NCOA4: variants seen among roughly 807,000 people sequenced by gnomAD.
The protein encoded by NCOA4 is 70 kDa AR-activator.
Under a neutral mutation model 69.5 loss-of-function variants are expected in NCOA4, and 31 were observed. The observed-to-expected ratio is 0.45, with a 90% CI of 0.34 to 0.60. NCOA4 has a LOEUF of 0.60. NCOA4 is among the 20% of genes least tolerant of loss of function. NCOA4 has a pLI of 0.02. For missense variants in NCOA4, 600 were observed against 719.2 expected (o/e 0.83, Z 1.90); for synonymous variants, 228 against 252.4 (o/e 0.90, Z 0.92).
chr10:46,024,888 C>A (rs1210834984), intron 1 of NCOA4, among the ~76,000 whole-genome samples: 1 of 152,164 alleles, frequency 6.6e-6, no homozygotes. Flanking sequence ...GTCCAAATTT[C>A]TTTTAAAGGC....
At chr10:46,006,732 T>C in intron 9 of NCOA4, 135 bp from the exon 10 acceptor site, 1 of 840,840 alleles carries the variant, frequency 1.2e-6, no homozygotes, top group Admixed American at 2.0e-5. Context: ...AATTAAGCAT[T>C]TGTGTCATGA....
At position 46,010,435 on chromosome 10, in the gene NCOA4, C is replaced by T; in HGVS notation, c.1486G>A (p.Glu496Lys). ...FQVIKNSPLS[E>K]WLIRPPYKEG... is the part of the protein sequence containing the mutation. ...TTGTATGGGGGCCTGATAAGCCACT[C>T]CGACAAGGGGCTGTTCTTTATGACT... The change falls in exon 8 of 10, where the codon GAG (glutamate) becomes AAG (lysine). Residue 496 changes from glutamate (E) to lysine (K), a missense_variant. Coordinates refer to ENST00000581486, the MANE Select transcript of NCOA4 (RefSeq NM_001145263.2). The T allele has an allele frequency of 6.2e-7, 1 of 1,614,172 alleles. No individual in the cohort carries two copies.
chr10:46,007,581 CTTTTTTT>C (rs71026287), intron 9 of NCOA4, among the ~76,000 whole-genome samples: 24 of 85,478 alleles, frequency 2.8e-4, no homozygotes, highest in African/African-American at 4.9e-4. Context: ...GCCAGTGACT[CTTTTTTT>C]TTTTTTTTTT....
At chr10:46,021,602 T>G (rs1839870648) in intron 1 of NCOA4, among the ~76,000 whole-genome samples, 1 of 152,246 alleles carries the variant, frequency 6.6e-6, no homozygotes, top group African/African-American at 2.4e-5. Context: ...TCAGTCAATT[T>G]TCATAGTCCT....
At chr10:46,022,409 G>C in intron 1 of NCOA4, 1 of 452,650 alleles carries the variant, frequency 2.2e-6, no homozygotes, top group Admixed American at 2.7e-5. Context: ...ATTTTACCTT[G>C]AGACTTTTTT....
At position 46,023,564 on chromosome 10, in the gene NCOA4, G is replaced by GC. The variant is rs1341935746; in HGVS notation, c.-14-6871dup. ...CAGCCAGTCCCCGCTGGCGCTCGCG[G>GC]CCCCCCTGCAGCTCCCTCCCCGCTG... On this transcript the variant is annotated intron_variant, in intron 1 of 9. Coordinates refer to ENST00000581486, the MANE Select transcript of NCOA4 (RefSeq NM_001145263.2). 61 of 976,752 alleles carry GC rather than the reference G, an allele frequency of 6.2e-5. No individual in the cohort carries two copies. The South Asian group carries it at 1.3e-3, about 20-fold the overall frequency. 60.5% of individuals were successfully genotyped at this position (976,752 alleles called of 1,614,324 possible).
chr10:46,006,989 G>A (rs1554919958), intron 9 of NCOA4, among the ~76,000 whole-genome samples: 1 of 152,218 alleles, frequency 6.6e-6, no homozygotes, highest in African/African-American at 2.4e-5. Context: ...AGAAAGTCAT[G>A]TTGAAGGCCA....
At chr10:46,006,852 GACAAA>G (rs1467261597) in intron 9 of NCOA4, among the ~76,000 whole-genome samples, 1 of 152,116 alleles carries the variant, frequency 6.6e-6, no homozygotes, top group African/African-American at 2.4e-5. Context: ...TGTTCCCTGA[GACAAA>G]ACAAGATTGA....
At position 46,013,008 on chromosome 10, in the gene NCOA4, C is replaced by G; in HGVS notation, c.589G>C (p.Val197Leu). Residue 197 changes from valine to leucine, a missense_variant, in exon 7 of 10, where the codon GTA becomes CTA. Physicochemically the swap from Val to Leu is conservative, Grantham distance 32 (BLOSUM62 1). Transcript: ENST00000581486. ...AGCCATTCGCTGAAAGGGACAGCTA[C>G]AATACCGGATGCTGACTTCTGTTAA... The part of the protein sequence containing the change: ...MPEQKSASGI[V>L]AVPFSEWLLG... The G allele has an allele frequency of 6.2e-7, 1 of 1,614,036 alleles. No homozygotes were observed. Among genetic ancestry groups the G allele is most frequent in the Non-Finnish European group, 8.5e-7 (1 of 1,179,952 alleles).
intron 9 of NCOA4, chr10:46,009,174 C>G: frequency 1.3e-6 from 2 of 1,551,202 alleles, no homozygotes; most frequent in Non-Finnish European, 1.7e-6. Flanking sequence ...TCTGAAAATT[C>G]CCAACGGTTA....
Position 46,011,079 on chromosome 10 carries a change from A to G in NCOA4, c.842T>C (p.Phe281Ser). The G allele has an allele frequency of 6.2e-7, 1 of 1,613,890 alleles. No individual in the cohort carries two copies. Among genetic ancestry groups the G allele is most frequent in the South Asian group, 1.1e-5 (1 of 91,070 alleles). ...KCNSHSTTSSFSIEMEKVGDQ... is the reference protein window; with the variant it reads ...KCNSHSTTSSSSIEMEKVGDQ... ...TCCAACCTTTTCCATTTCAATGGAG[A>G]AAGAACTAGTAGTGGAATGGCTGTT... The change falls in exon 8 of 10, where the codon TTC becomes TCC. Residue 281 changes from phenylalanine (F) to serine (S), a missense_variant. Transcript: ENST00000581486.
chr10:46,018,672 G>T lies in NCOA4; in HGVS notation c.-14-1978C>A, dbSNP rs181406791. ...CAAGTATGTGGAGACCTGTCAACTA[G>T]AAGAACTAAATTTGTTTGGAACAGA... On this transcript the variant is annotated intron_variant, in intron 1 of 9. Transcript: ENST00000581486. Among the ~76,000 whole-genome samples the T allele has an allele frequency of 4.2e-4, 64 of 152,278 alleles. 1 individual carries two copies. The highest frequency in any genetic ancestry group is 1.2e-3 in the Admixed American group (19 of 15,290).
At chr10:46,013,677 T>C (rs1554922362) in intron 5 of NCOA4, 38 bp from the exon 6 acceptor site, 1 of 1,424,906 alleles carries the variant, frequency 7.0e-7, no homozygotes, top group Non-Finnish European at 9.7e-7. Context: ...TTATTTATGC[T>C]ATGCTGCCAA....
At chr10:46,010,082 G>A in intron 8 of NCOA4, 141 bp downstream of exon 8, 1 of 1,053,812 alleles carries the variant, frequency 9.5e-7, no homozygotes, top group Non-Finnish European at 1.3e-6. Flanking sequence ...GCAGGGGGAT[G>A]GCTGGAGCCT....
Position 46,023,407 on chromosome 10 carries a change from T to A in NCOA4, c.-14-6713A>T, listed in dbSNP as rs559065853. Reference sequence around the variant, plus strand: ...TTACCCCTGACCCGAGTGCGAAAGGTCCCCGAGCCCGGGCCTCGTCCCGCC... The same window carrying A: ...TTACCCCTGACCCGAGTGCGAAAGGACCCCGAGCCCGGGCCTCGTCCCGCC... On this transcript the variant is annotated intron_variant, in intron 1 of 9. Transcript: ENST00000581486. 19 of 985,634 alleles carry A rather than the reference T, an allele frequency of 1.9e-5. 2 individuals are homozygous for A. In the Middle Eastern group the frequency reaches 1.6e-3, roughly 81 times the overall value. 61.1% of individuals were successfully genotyped at this position (985,634 alleles called of 1,614,324 possible). A position where few individuals can be genotyped will look rare whatever the true frequency, so the allele number is the denominator to read the frequency against.
At chr10:46,022,328 A>T (rs558667226) in intron 1 of NCOA4, 2 of 418,828 alleles carry the variant, frequency 4.8e-6, no homozygotes, top group African/African-American at 4.2e-5. Flanking sequence ...GTTATCTTTG[A>T]TGAGACAACC....
At chr10:46,027,967 A>G (rs1554925830) in intron 1 of NCOA4, among the ~76,000 whole-genome samples, 2 of 152,250 alleles carry the variant, frequency 1.3e-5, no homozygotes, top group African/African-American at 4.8e-5. Context: ...AGAACAGGAT[A>G]TAACAAAGAA....
In NCOA4 at chr10:46,006,368, G is replaced by T. The variant is rs1288069150; in HGVS notation, c.*224C>A. On this transcript the variant is annotated 3_prime_UTR_variant, in exon 10 of 10. Transcript: ENST00000581486. ...GGGGTGAATTAAAATACTTCTGTAA[G>T]AAGGAGGGAACTGAATCACCTCAGC... 3.7e-6 allele frequency: 2 copies of T among 534,510 alleles called. No individual in the cohort carries two copies. The highest frequency in any genetic ancestry group is 3.1e-5 in the Admixed American group (1 of 32,014). 33.1% of individuals were successfully genotyped at this position (534,510 alleles called of 1,614,324 possible). A position where few individuals can be genotyped will look rare whatever the true frequency, so the allele number is the denominator to read the frequency against.
Position 46,006,380 on chromosome 10 carries a change from T to G in NCOA4, c.*212A>C. On this transcript the variant is annotated 3_prime_UTR_variant, in exon 10 of 10. Transcript: ENST00000581486. ...AATACTTCTGTAAGAAGGAGGGAAC[T>G]GAATCACCTCAGCATGAATAAACAG... 1.8e-6 allele frequency: 1 copy of G among 541,076 alleles called. No individual in the cohort carries two copies. Among genetic ancestry groups the G allele is most frequent in the South Asian group, 2.7e-5 (1 of 37,386 alleles). The allele number at this position is 541,076 out of a possible 1,614,324, so 33.5% of individuals were successfully genotyped here. A position where few individuals can be genotyped will look rare whatever the true frequency, so the allele number is the denominator to read the frequency against.
Sources: allele counts gnomAD v4.1 joint callset (sites outside exome capture counted in the v4.1 genomes callset), GRCh38; gene constraint gnomAD v4.1.1; transcripts MANE v1.5; gene names NCBI Gene and HGNC (gene_info 2026-07-23, HGNC 2026-07-21).